The following DCLK1 variants were observed in gnomAD, a reference collection of about 807,000 sequenced individuals.
DCLK1 encodes the protein serine/threonine-protein kinase DCLK1.
A neutral mutation model predicts 86.2 loss-of-function variants in DCLK1; 16 were observed. The ratio of observed to expected loss-of-function variants is 0.19; its 90% CI spans 0.13 to 0.28. The LOEUF (loss-of-function observed/expected upper bound fraction) is 0.28. Ranked by LOEUF, DCLK1 falls within the 10% of genes least tolerant of loss-of-function variation. The probability of loss-of-function intolerance (pLI) is 1.00; values close to 1 mark genes in which losing one functional copy is unlikely to be tolerated. For missense variants in DCLK1, 590 were observed against 940.2 expected, an observed-to-expected ratio of 0.63 and a Z score of 4.87; for synonymous variants, 369 against 370.5, an observed-to-expected ratio of 1.00 and a Z score of 0.05.
At chr13:36,014,479 T>A (rs1881450294) in intron 3 of DCLK1, among the ~76,000 whole-genome samples, 1 of 152,200 alleles carries the variant, frequency 6.6e-6, no homozygotes. Context: ...CCTAAAATGC[T>A]TACAACCTAT....
At chr13:36,107,219 G>A (rs773860082) in intron 3 of DCLK1, among the ~76,000 whole-genome samples, 2 of 152,046 alleles carry the variant, frequency 1.3e-5, no homozygotes, top group Non-Finnish European at 2.9e-5. Flanking sequence ...CTTTCTCATG[G>A]CTTACCATCG....
intron 4 of DCLK1, among the ~76,000 whole-genome samples, chr13:35,923,542 G>A (rs1875930603): frequency 6.6e-6 from 1 of 152,012 alleles, no homozygotes; most frequent in African/African-American, 2.4e-5. Context: ...GGGGGGTAGA[G>A]AGGCTATGGG....
chr13:36,125,494 G>A (rs61528665), intron 2 of DCLK1, among the ~76,000 whole-genome samples: 3,658 of 152,296 alleles, frequency 0.024, 54 homozygotes, highest in South Asian at 0.092. Flanking sequence ...TAAAATTAAT[G>A]CAGCATGGGT....
intron 4 of DCLK1, among the ~76,000 whole-genome samples, chr13:35,926,139 A>G (rs1051914551): frequency 6.6e-6 from 1 of 151,870 alleles, no homozygotes; most frequent in Non-Finnish European, 1.5e-5. Flanking sequence ...GCTCACTGCA[A>G]TGTCTGCCGC....
intron 3 of DCLK1, among the ~76,000 whole-genome samples, chr13:35,991,788 C>T (rs1210845265): frequency 6.6e-6 from 1 of 152,134 alleles, no homozygotes; most frequent in Non-Finnish European, 1.5e-5. Context: ...TCTCTTCCCC[C>T]CATTAGCAAA....
chr13:36,122,777 G>A (rs1886040967), intron 2 of DCLK1, among the ~76,000 whole-genome samples: 1 of 152,134 alleles, frequency 6.6e-6, no homozygotes, highest in Admixed American at 6.5e-5. Context: ...GCTCTTAAGT[G>A]TATGTGTGTG....
chr13:35,811,944 G>C (rs748355425), intron 11 of DCLK1, among the ~76,000 whole-genome samples: 6 of 151,998 alleles, frequency 3.9e-5, no homozygotes, highest in African/African-American at 7.2e-5. Flanking sequence ...TTTTCAACAT[G>C]ATCTATTTAC....
Position 35,860,313 on chromosome 13 carries a change from A to AG in DCLK1, c.941-5721dup, listed in dbSNP as rs956158362. On this transcript the variant is annotated intron_variant, in intron 5 of 16. Coordinates refer to ENST00000360631, the MANE Select transcript of DCLK1 (RefSeq NM_001330071.2). ...CATTATTGAGAAGGAAAAAAAATGC[A>AG]GGGGGTGGGGGGTGCATAGGGAATC... is the stretch of plus-strand genomic sequence containing the variant. Among the ~76,000 whole-genome samples the AG allele has an allele frequency of 8.3e-3, 1,224 of 147,306 alleles. 12 individuals carry two copies. Among genetic ancestry groups the AG allele is most frequent in the African/African-American group, 0.031 (1,181 of 37,946 alleles).
At chr13:35,863,154 T>C (rs1871522998) in intron 5 of DCLK1, among the ~76,000 whole-genome samples, 2 of 152,196 alleles carry the variant, frequency 1.3e-5, no homozygotes, top group Admixed American at 1.3e-4. Context: ...ACCATCTAGG[T>C]TTGTGTATGT....
chr13:35,947,775 C>G (rs1437632568), intron 3 of DCLK1, among the ~76,000 whole-genome samples: 1 of 152,130 alleles, frequency 6.6e-6, no homozygotes, highest in Non-Finnish European at 1.5e-5. Context: ...CTTTCCTCTT[C>G]GGAATGTAAT....
chr13:36,088,085 A>T (rs1884679559), intron 3 of DCLK1, among the ~76,000 whole-genome samples: 1 of 152,248 alleles, frequency 6.6e-6, no homozygotes, highest in African/African-American at 2.4e-5. Flanking sequence ...CCACCTGTGG[A>T]AACCGATCTC....
chr13:35,868,962 T>TATTTTTA, intron 5 of DCLK1: 1 of 359,570 alleles, frequency 2.8e-6, no homozygotes, highest in South Asian at 2.1e-5. Context: ...GGCTAATTTT[T>TATTTTTA]GTATTTTTAG....
chr13:36,052,869 C>G (rs1883176164), intron 3 of DCLK1, among the ~76,000 whole-genome samples: 1 of 152,122 alleles, frequency 6.6e-6, no homozygotes, highest in African/African-American at 2.4e-5. Context: ...ACTCCCCACC[C>G]AAACACTCAT....
At chr13:35,802,285 T>C (rs181648919) in intron 15 of DCLK1, among the ~76,000 whole-genome samples, 2 of 151,758 alleles carry the variant, frequency 1.3e-5, no homozygotes, top group East Asian at 1.9e-4. Flanking sequence ...TGAGCCATGA[T>C]TGAGCCACTG....
intron 11 of DCLK1, among the ~76,000 whole-genome samples, chr13:35,816,921 C>T (rs2087281328): frequency 6.6e-6 from 1 of 152,140 alleles, no homozygotes; most frequent in Non-Finnish European, 1.5e-5. Flanking sequence ...TACTTGGTCA[C>T]AAGGCACACA....
At chr13:35,884,116 TG>T (rs1458475756) in intron 4 of DCLK1, among the ~76,000 whole-genome samples, 3 of 152,144 alleles carry the variant, frequency 2.0e-5, no homozygotes, top group Non-Finnish European at 2.9e-5. Flanking sequence ...AGACAGCTCT[TG>T]CCATTCTCCT....
At chr13:36,020,348 A>G (rs1364678049) in intron 3 of DCLK1, among the ~76,000 whole-genome samples, 2 of 152,210 alleles carry the variant, frequency 1.3e-5, no homozygotes, top group Admixed American at 6.5e-5. Context: ...ATAAAGAAGC[A>G]CTTCTGGAAT....
At chr13:36,016,199 AC>A (rs1881532042) in intron 3 of DCLK1, among the ~76,000 whole-genome samples, 1 of 152,214 alleles carries the variant, frequency 6.6e-6, no homozygotes, top group Admixed American at 6.5e-5. Context: ...CCAGGCACAG[AC>A]TAATGGAAAG....
intron 4 of DCLK1, among the ~76,000 whole-genome samples, chr13:35,934,207 C>CTTT (rs1468771826): frequency 1.3e-5 from 2 of 152,176 alleles, no homozygotes; most frequent in Non-Finnish European, 2.9e-5. Context: ...TATCACCAAA[C>CTTT]TTTCCCACAT....
Sources: allele counts gnomAD v4.1 joint callset (sites outside exome capture counted in the v4.1 genomes callset), GRCh38; gene constraint gnomAD v4.1.1; transcripts MANE v1.5; gene names NCBI Gene and HGNC (gene_info 2026-07-23, HGNC 2026-07-21).